The following CSMD1 variants were observed in gnomAD, a reference collection of about 807,000 sequenced individuals.
The protein encoded by CSMD1 is CUB and Sushi multiple domains 1.
CSMD1 carries 213 observed loss-of-function variants against 417.5 expected under a neutral mutation model. The ratio of observed to expected loss-of-function variants is 0.51; its 90% confidence interval spans 0.46 to 0.57. The LOEUF is 0.57. Ranked by LOEUF, CSMD1 falls within the 20% of genes least tolerant of loss-of-function variation. The probability of loss-of-function intolerance (pLI) is 0.00; values close to 1 mark genes in which losing one functional copy is unlikely to be tolerated. For synonymous variants in CSMD1, 2,862 were observed against 1,736.8 expected, an observed-to-expected ratio of 1.65 and a Z score of -16.11; for missense variants, 6,923 against 4,529.7, an observed-to-expected ratio of 1.53 and a Z score of -15.17.
At chr8:4,780,941 T>C (rs776621864) in intron 1 of CSMD1, among the ~76,000 whole-genome samples, 5 of 152,212 alleles carry the variant, frequency 3.3e-5, no homozygotes, top group Non-Finnish European at 5.9e-5. Context: ...TAAGTCTTTA[T>C]AAGGCTCAAG....
intron 2 of CSMD1, among the ~76,000 whole-genome samples, chr8:4,507,611 A>C (rs979246372): frequency 6.6e-6 from 1 of 152,210 alleles, no homozygotes; most frequent in Non-Finnish European, 1.5e-5. Context: ...TGGTGGAAAC[A>C]TCTATTTCCA....
chr8:4,881,703 T>C (rs980367187), intron 1 of CSMD1, among the ~76,000 whole-genome samples: 1 of 151,812 alleles, frequency 6.6e-6, no homozygotes, highest in Non-Finnish European at 1.5e-5. Flanking sequence ...GCCCTTCCAC[T>C]TGATATTTTG....
intron 51 of CSMD1, among the ~76,000 whole-genome samples, chr8:3,020,820 C>T (rs779357573): frequency 1.4e-4 from 22 of 152,170 alleles, no homozygotes; most frequent in Non-Finnish European, 2.6e-4. Flanking sequence ...TTGAGACAGC[C>T]TCCACGATTT....
At chr8:4,200,692 CA>C (rs1212644059) in intron 3 of CSMD1, among the ~76,000 whole-genome samples, 2 of 152,032 alleles carry the variant, frequency 1.3e-5, no homozygotes, top group African/African-American at 4.8e-5. Flanking sequence ...CGCACCTCTA[CA>C]AAACATAACA....
intron 3 of CSMD1, among the ~76,000 whole-genome samples, chr8:4,039,615 G>C (rs932820202): frequency 1.3e-5 from 2 of 152,116 alleles, no homozygotes; most frequent in African/African-American, 4.8e-5. Context: ...CCAGGATGAG[G>C]AATGACAGTG....
At chr8:4,904,006 T>G (rs1432199614) in intron 1 of CSMD1, among the ~76,000 whole-genome samples, 1 of 152,212 alleles carries the variant, frequency 6.6e-6, no homozygotes, top group African/African-American at 2.4e-5. Context: ...CATTTTGTAT[T>G]TATTTCTTTT....
chr8:3,542,123 T>G (rs575716115), intron 10 of CSMD1, among the ~76,000 whole-genome samples: 1 of 152,372 alleles, frequency 6.6e-6, no homozygotes, highest in South Asian at 2.1e-4. Flanking sequence ...GAGACTCTTT[T>G]ATTTCCTATG....
chr8:4,598,605 G>A (rs963072060), intron 2 of CSMD1, among the ~76,000 whole-genome samples: 1 of 152,166 alleles, frequency 6.6e-6, no homozygotes, highest in Non-Finnish European at 1.5e-5. Context: ...AGATACATTT[G>A]TTTCTATATT....
intron 3 of CSMD1, among the ~76,000 whole-genome samples, chr8:4,240,916 A>G (rs371876875): frequency 1.3e-5 from 2 of 152,280 alleles, no homozygotes; most frequent in African/African-American, 4.8e-5. Flanking sequence ...AAATAGTTTA[A>G]AATTATTTTT....
chr8:3,953,218 A>C (rs1445943072), intron 5 of CSMD1, among the ~76,000 whole-genome samples: 1 of 152,178 alleles, frequency 6.6e-6, no homozygotes, highest in East Asian at 1.9e-4. Flanking sequence ...ATAGGATTAA[A>C]ATCAAGAAAA....
chr8:4,384,690 G>A (rs1803329438), intron 3 of CSMD1, among the ~76,000 whole-genome samples: 1 of 152,054 alleles, frequency 6.6e-6, no homozygotes. Context: ...AGACACGAGT[G>A]GGCCTTTCCC....
intron 7 of CSMD1, among the ~76,000 whole-genome samples, chr8:3,676,114 T>A (rs553040805): frequency 6.6e-6 from 1 of 152,248 alleles, no homozygotes; most frequent in Non-Finnish European, 1.5e-5. Flanking sequence ...TTATAAATGC[T>A]TGTTATAAGA....
intron 52 of CSMD1, among the ~76,000 whole-genome samples, chr8:3,016,314 A>G (rs1390587544): frequency 6.6e-6 from 1 of 152,126 alleles, no homozygotes; most frequent in Non-Finnish European, 1.5e-5. Context: ...GAGTCATACA[A>G]TCTACTCAAG....
intron 3 of CSMD1, among the ~76,000 whole-genome samples, chr8:4,341,056 C>T (rs200443032): frequency 4.6e-5 from 7 of 151,984 alleles, no homozygotes; most frequent in East Asian, 1.9e-4. Flanking sequence ...TCTAAATCAA[C>T]GTAAAAGGTA....
chr8:4,798,089 T>C (rs1166144723), intron 1 of CSMD1, among the ~76,000 whole-genome samples: 1 of 152,372 alleles, frequency 6.6e-6, no homozygotes, highest in Non-Finnish European at 1.5e-5. Flanking sequence ...TGTGTAAATG[T>C]GCCATGTTGG....
intron 4 of CSMD1, among the ~76,000 whole-genome samples, chr8:4,003,813 T>C (rs17063188): frequency 0.15 from 22,807 of 151,358 alleles, 1,785 homozygotes; most frequent in East Asian, 0.2. Context: ...ATATTGTACG[T>C]GTCTGATATT....
intron 3 of CSMD1, among the ~76,000 whole-genome samples, chr8:4,038,726 T>C (rs1398323378): frequency 1.3e-5 from 2 of 152,220 alleles, no homozygotes; most frequent in African/African-American, 4.8e-5. Flanking sequence ...ATTTAGGTGA[T>C]GGGAATTCTG....
At chr8:4,930,848 C>A (rs1271015851) in intron 1 of CSMD1, among the ~76,000 whole-genome samples, 1 of 152,172 alleles carries the variant, frequency 6.6e-6, no homozygotes. Context: ...CAGGATAGAT[C>A]TTAATTTCTT....
intron 1 of CSMD1, among the ~76,000 whole-genome samples, chr8:4,864,404 A>G (rs1176742002): frequency 6.6e-6 from 1 of 151,966 alleles, no homozygotes; most frequent in Non-Finnish European, 1.5e-5. Context: ...TTTAAAAAAT[A>G]TCACTTCCTT....
Sources: allele counts gnomAD v4.1 joint callset (sites outside exome capture counted in the v4.1 genomes callset), GRCh38; gene constraint gnomAD v4.1.1; transcripts MANE v1.5; gene names NCBI Gene and HGNC (gene_info 2026-07-23, HGNC 2026-07-21).